The following C16orf74 variants were observed in gnomAD, a reference collection of about 807,000 sequenced individuals.
C16orf74 encodes the protein uncharacterized protein C16orf74.
C16orf74 carries 10 observed loss-of-function variants against 6.5 expected under a neutral mutation model. That is an observed-to-expected ratio of 1.54 (90% CI 0.95 to 2.61). The LOEUF is 2.61. C16orf74 is among the 30% of genes most tolerant of loss of function. The probability of loss-of-function intolerance (pLI) is 0.00; values close to 1 mark genes in which losing one functional copy is unlikely to be tolerated. For synonymous variants in C16orf74, 60 were observed against 42.5 expected (o/e 1.41, Z -1.60); for missense variants, 141 against 105.9 (o/e 1.33, Z -1.45).
At chr16:85,747,345 G>T (rs535409251) in intron 1 of C16orf74, among the ~76,000 whole-genome samples, 3 of 152,274 alleles carry the variant, frequency 2.0e-5, no homozygotes, top group African/African-American at 7.2e-5. Context: ...CCAACTACTT[G>T]GGGGGCTGAG....
intron 1 of C16orf74, among the ~76,000 whole-genome samples, chr16:85,749,182 C>T (rs949699466): frequency 3.9e-5 from 6 of 152,158 alleles, no homozygotes; most frequent in Admixed American, 2.6e-4. Flanking sequence ...TTCAGTACCA[C>T]GGCTCAGGGT....
chr16:85,733,706 C>T (rs906770758), intron 2 of C16orf74, among the ~76,000 whole-genome samples: 1 of 152,150 alleles, frequency 6.6e-6, no homozygotes, highest in Non-Finnish European at 1.5e-5. Flanking sequence ...TAACCTCAGC[C>T]ACTCACAGAT....
intron 2 of C16orf74, among the ~76,000 whole-genome samples, chr16:85,721,068 G>C: frequency 6.6e-6 from 1 of 152,088 alleles, no homozygotes; most frequent in East Asian, 1.9e-4. Flanking sequence ...CCTAGCCTAG[G>C]CAATAAGAGC....
intron 2 of C16orf74, among the ~76,000 whole-genome samples, chr16:85,718,943 T>A (rs112426523): frequency 0.011 from 1,633 of 152,100 alleles, 32 homozygotes; most frequent in African/African-American, 0.037. Context: ...GCAGCTGGAG[T>A]GGGTGCTACA....
rs142620186 is a variant in C16orf74, at chr16:85,725,773, T to C, written c.28+9417A>G. Among the ~76,000 whole-genome samples the C allele has an allele frequency of 2.2e-3, 334 of 152,216 alleles. 1 individual carries two copies. The highest frequency in any genetic ancestry group is 7.5e-3 in the African/African-American group (313 of 41,504). ...CGCATGCTACCACACCCAACTAATG[T>C]TTCTATTCTTTGTAGAGATGGGGTT... On this transcript the variant is annotated intron_variant, in intron 2 of 3. Coordinates refer to ENST00000284245, the MANE Select transcript of C16orf74 (RefSeq NM_206967.3).
At chr16:85,714,861 G>C (rs1224188490) in intron 2 of C16orf74, among the ~76,000 whole-genome samples, 2 of 151,448 alleles carry the variant, frequency 1.3e-5, no homozygotes, top group Non-Finnish European at 2.9e-5. Context: ...CTTCTTTAAA[G>C]AAGAGAACAT....
intron 2 of C16orf74, among the ~76,000 whole-genome samples, chr16:85,727,278 A>G (rs1042123879): frequency 7.2e-5 from 11 of 152,190 alleles, no homozygotes; most frequent in Admixed American, 7.2e-4. Flanking sequence ...AAGCCTCTGA[A>G]GGCAAATCAG....
intron 1 of C16orf74, among the ~76,000 whole-genome samples, chr16:85,749,184 G>A (rs2152067856): frequency 6.6e-6 from 1 of 152,244 alleles, no homozygotes; most frequent in South Asian, 2.1e-4. Flanking sequence ...CAGTACCACG[G>A]CTCAGGGTTC....
At chr16:85,740,288 T>C (rs1409455950) in intron 1 of C16orf74, among the ~76,000 whole-genome samples, 1 of 146,838 alleles carries the variant, frequency 6.8e-6, no homozygotes, top group Non-Finnish European at 1.5e-5. Context: ...GCATGGTGGC[T>C]CACGCCTTGT....
rs2054288168 is a variant in C16orf74, at chr16:85,740,187, G to C, written c.-18-4952C>G. 2.1e-5 allele frequency among the ~76,000 whole-genome samples: 3 copies of C among 140,290 alleles called. No homozygotes were observed. In the Admixed American group the frequency reaches 2.4e-4, roughly 11 times the overall value. The allele number at this position is 140,290 out of a possible 152,430, so 92.0% of individuals were successfully genotyped here. ...ATCACGCCATTGCACCCATAGGCTG[G>C]GCGACAAGAACGAGACTTTGTCTCA... On this transcript the variant is annotated intron_variant, in intron 1 of 3. Transcript: ENST00000284245.
intron 2 of C16orf74, among the ~76,000 whole-genome samples, chr16:85,729,741 G>A (rs1298178950): frequency 6.6e-6 from 1 of 152,158 alleles, no homozygotes; most frequent in Non-Finnish European, 1.5e-5. Context: ...TGAATGCAGG[G>A]CAACATGAAG....
intron 2 of C16orf74, among the ~76,000 whole-genome samples, chr16:85,729,158 C>T (rs2054163307): frequency 1.3e-5 from 2 of 152,228 alleles, no homozygotes; most frequent in Non-Finnish European, 2.9e-5. Flanking sequence ...GAGCCAACCC[C>T]TCCTAACTGG....
At chr16:85,726,634 G>T (rs913913845) in intron 2 of C16orf74, among the ~76,000 whole-genome samples, 12 of 152,174 alleles carry the variant, frequency 7.9e-5, no homozygotes, top group African/African-American at 2.9e-4. Context: ...GCGGGGACTG[G>T]ATTCCACCAT....
chr16:85,735,866 C>T (rs867035702), intron 1 of C16orf74, among the ~76,000 whole-genome samples: 16 of 152,234 alleles, frequency 1.1e-4, no homozygotes, highest in African/African-American at 1.4e-4. Context: ...GCCAGTGGTG[C>T]GGGGCCCCTG....
Position 85,739,986 on chromosome 16 carries a change from G to A in C16orf74, c.-18-4751C>T, listed in dbSNP as rs536062656. 2.6e-5 allele frequency among the ~76,000 whole-genome samples: 4 copies of A among 151,782 alleles called. No individual in the cohort carries two copies. The East Asian group carries it at 5.9e-4, about 22-fold the overall frequency. On this transcript the variant is annotated intron_variant, in intron 1 of 3. Transcript: ENST00000284245. ...GCACTTAGGGAGGCCGAGGCGGGTG[G>A]ATCGCCTGAGGTCAGGAGTTCGAGA...
At chr16:85,730,512 C>G (rs147305137) in intron 2 of C16orf74, among the ~76,000 whole-genome samples, 351 of 145,754 alleles carry the variant, frequency 2.4e-3, no homozygotes, top group Non-Finnish European at 3.8e-3. Context: ...AAGTGAACCC[C>G]CACATCAGCC....
At position 85,715,908 on chromosome 16, in the gene C16orf74, A is replaced by G. The variant is rs529504598; in HGVS notation, c.29-5601T>C. On this transcript the variant is annotated intron_variant, in intron 2 of 3. Coordinates refer to ENST00000284245, the MANE Select transcript of C16orf74 (RefSeq NM_206967.3). The stretch of plus-strand genomic sequence containing the variant: ...AGGGCTGCGTGTGAGGACATGAATG[A>G]ATTCACGAAAGCACTTCGCCCAGCC... Among the ~76,000 whole-genome samples the G allele has an allele frequency of 5.9e-5, 9 of 152,310 alleles. No homozygotes were observed. The East Asian group carries it at 1.7e-3, about 29-fold the overall frequency.
At chr16:85,740,271 T>C (rs383764) in intron 1 of C16orf74, among the ~76,000 whole-genome samples, 147,199 of 147,754 alleles carry the variant, frequency 1, 73,328 homozygotes, top group Middle Eastern at 1. Flanking sequence ...TATACACTGA[T>C]GGCCAGGCAT....
intron 2 of C16orf74, among the ~76,000 whole-genome samples, chr16:85,734,877 C>G (rs2054227201): frequency 6.6e-6 from 1 of 152,192 alleles, no homozygotes; most frequent in African/African-American, 2.4e-5. Flanking sequence ...CCAGCATATG[C>G]CTGGCTCCTT....
Sources: gnomAD v4.1 joint callset for allele counts (sites outside exome capture counted in the v4.1 genomes callset) on GRCh38, gnomAD v4.1.1 for gene constraint, MANE v1.5 for transcripts, NCBI Gene and HGNC (gene_info 2026-07-23, HGNC 2026-07-21) for gene names.